The following PODXL variants were observed in gnomAD, a reference collection of about 807,000 sequenced individuals.
PODXL encodes the protein podocalyxin.
Under a neutral mutation model 48.9 loss-of-function variants are expected in PODXL, and 20 were observed. The observed-to-expected ratio is 0.41, with a 90% CI of 0.29 to 0.59. The LOEUF (loss-of-function observed/expected upper bound fraction) is 0.59, where lower values mean the gene tolerates loss of function less well. PODXL is among the 20% of genes least tolerant of loss of function. PODXL has a pLI of 0.31. For synonymous variants in PODXL, 295 were observed against 287.4 expected (o/e 1.03, Z -0.27); for missense variants, 606 against 675.1 (o/e 0.90, Z 1.13).
At chr7:131,508,280 A>T (rs1031305156) in intron 5 of PODXL, among the ~76,000 whole-genome samples, 4 of 151,874 alleles carry the variant, frequency 2.6e-5, no homozygotes, top group Non-Finnish European at 5.9e-5. Flanking sequence ...TTTCTCTCCC[A>T]CCCATCCCAT....
intron 6 of PODXL, 118 bp from the exon 7 acceptor site, chr7:131,506,439 G>T: frequency 7.0e-7 from 1 of 1,428,516 alleles, no homozygotes; most frequent in Non-Finnish European, 9.8e-7. Context: ...TCTCTCGGGT[G>T]ACCTGGGAGG....
rs746255906 is a variant in PODXL, at chr7:131,524,379, C to CACAG, written c.101-12947_101-12946insCTGT. On this transcript the variant is annotated intron_variant, in intron 1 of 8. Transcript: ENST00000378555. ...ACACACACGCACACACACACACACA[C>CACAG]AGAGAGAGAGAGAGAGAGAGAGAGA... is the stretch of plus-strand genomic sequence containing the variant. Among the ~76,000 whole-genome samples the CACAG allele has an allele frequency of 1.7e-3, 181 of 104,110 alleles. 1 individual carries two copies. The highest frequency in any genetic ancestry group is 4.6e-3 in the Middle Eastern group (1 of 218). 68.3% of individuals were successfully genotyped at this position (104,110 alleles called of 152,430 possible).
chr7:131,540,442 GA>G (rs1237093670), intron 1 of PODXL, among the ~76,000 whole-genome samples: 3 of 151,974 alleles, frequency 2.0e-5, no homozygotes, highest in Non-Finnish European at 4.4e-5. Flanking sequence ...CTGTCTCGGG[GA>G]TGAGTGTTCT....
rs1797680949 is a variant in PODXL at position 131,500,503 on chromosome 7, CTG to C, written c.*3806_*3807del. On this transcript the variant is annotated 3_prime_UTR_variant, in exon 9 of 9. Coordinates refer to ENST00000378555, the MANE Select transcript of PODXL (RefSeq NM_001018111.3). ...CAAAGAGTCATCTGTGTCCTCCATG[CTG>C]TGTTTGCAGCAGACCTGAGGGATCA... 6.6e-6 allele frequency: 1 copy of C among 152,598 alleles called. No individual in the cohort carries two copies. Among genetic ancestry groups the C allele is most frequent in the Non-Finnish European group, 1.5e-5 (1 of 68,040 alleles). 9.5% of individuals were successfully genotyped at this position (152,598 alleles called of 1,614,324 possible). A position where few individuals can be genotyped will look rare whatever the true frequency, so the allele number is the denominator to read the frequency against.
chr7:131,508,337 C>T (rs1797845411), intron 5 of PODXL, among the ~76,000 whole-genome samples: 1 of 152,208 alleles, frequency 6.6e-6, no homozygotes, highest in African/African-American at 2.4e-5. Context: ...GTTCGTCCAT[C>T]AAGGCTCTCA....
In PODXL at chr7:131,504,447, T is replaced by G. The variant is rs1339976788; in HGVS notation, c.1541A>C (p.Glu514Ala). ...ENGYHDNPTL[E>A]VMETSSEMQE... ...CATCTCAGAAGAGGTCTCCATCACT[T>G]CCAGTGTTGGGTTGTCATGGTAACC... The change falls in exon 9 of 9, where the codon GAA (glutamate) becomes GCA (alanine). Residue 514 changes from glutamate (E) to alanine (A), a missense_variant. Physicochemically the swap from Glu to Ala is moderately radical, Grantham distance 107. Transcript: ENST00000378555. The G allele has an allele frequency of 1.2e-6, 2 of 1,613,466 alleles. No homozygotes were observed. The highest frequency in any genetic ancestry group is 2.2e-5 in the East Asian group (1 of 44,894).
intron 1 of PODXL, among the ~76,000 whole-genome samples, chr7:131,537,528 G>A (rs746076321): frequency 1.3e-5 from 2 of 152,100 alleles, no homozygotes; most frequent in Non-Finnish European, 2.9e-5. Context: ...GGGAGGCAGA[G>A]GTTGCAGTGA....
intron 1 of PODXL, among the ~76,000 whole-genome samples, chr7:131,551,894 G>A (rs1056396606): frequency 3.5e-4 from 52 of 147,044 alleles, no homozygotes; most frequent in Non-Finnish European, 7.0e-4. Context: ...CTGAGATCAC[G>A]CCACTGCAGT....
In PODXL at chr7:131,505,994, C is replaced by G. The variant is rs112654233; in HGVS notation, c.1353G>C (p.Pro451=). Residue 451 remains proline, a synonymous_variant, in exon 8 of 9, where the codon CCG becomes CCC. Coordinates refer to ENST00000378555, the MANE Select transcript of PODXL (RefSeq NM_001018111.3). The part of the protein sequence containing the change: ...SDMKLGDQGP[P]EEAEDRFSMP... ...TGCTGAAGCGGTCCTCGGCCTCCTCCGGTGGCCCCTGGTCCCCTAGCTTCA... is the reference window on the plus strand; with the variant it reads ...TGCTGAAGCGGTCCTCGGCCTCCTCGGGTGGCCCCTGGTCCCCTAGCTTCA... 3.1e-6 allele frequency: 5 copies of G among 1,612,502 alleles called. No individual in the cohort carries two copies. In the South Asian group the frequency reaches 4.4e-5, roughly 14 times the overall value.
chr7:131,541,426 A>G (rs1015333121), intron 1 of PODXL, among the ~76,000 whole-genome samples: 6 of 151,992 alleles, frequency 3.9e-5, no homozygotes, highest in Non-Finnish European at 7.4e-5. Flanking sequence ...AGTGGCTCAC[A>G]CCTGTAATCC....
At chr7:131,538,743 C>T (rs1383494265) in intron 1 of PODXL, among the ~76,000 whole-genome samples, 2 of 152,180 alleles carry the variant, frequency 1.3e-5, no homozygotes, top group Non-Finnish European at 2.9e-5. Flanking sequence ...CTGCTCCCCA[C>T]TCCCGCTCCC....
intron 1 of PODXL, among the ~76,000 whole-genome samples, chr7:131,516,207 C>T (rs1360090694): frequency 6.6e-6 from 1 of 152,168 alleles, no homozygotes; most frequent in Non-Finnish European, 1.5e-5. Flanking sequence ...TTAAATAAAG[C>T]TGAGTTGTCA....
At chr7:131,524,377 CACAG>C (rs1204347337) in intron 1 of PODXL, among the ~76,000 whole-genome samples, 565 of 24,066 alleles carry the variant, frequency 0.023, 2 homozygotes, top group African/African-American at 0.066. Context: ...CACACACACA[CACAG>C]AGAGAGAGAG....
chr7:131,509,488 G>A lies in PODXL; in HGVS notation c.900C>T (p.Ser300=), dbSNP rs768019023. 4 of 1,613,694 alleles carry A rather than the reference G, an allele frequency of 2.5e-6. No individual in the cohort carries two copies. Among genetic ancestry groups the A allele is most frequent in the Non-Finnish European group, 3.4e-6 (4 of 1,179,820 alleles). Residue 300 remains serine, a synonymous_variant, in exon 4 of 9, where the codon AGC becomes AGT. Coordinates refer to ENST00000378555, the MANE Select transcript of PODXL (RefSeq NM_001018111.3). ...TAGGTGTTCTCAATGCCGTTGCCGG[G>A]CTCGTGGGCTGCACTGTCTCCTGGG... The part of the protein sequence containing the change: ...PSSQETVQPT[S]PATALRTPTL...
chr7:131,527,611 G>A (rs1183610530), intron 1 of PODXL, among the ~76,000 whole-genome samples: 1 of 152,170 alleles, frequency 6.6e-6, no homozygotes, highest in Non-Finnish European at 1.5e-5. Context: ...AGCCTGACTC[G>A]GGCAGACTGA....
At chr7:131,514,165 C>A (rs569996473) in intron 1 of PODXL, among the ~76,000 whole-genome samples, 1 of 152,196 alleles carries the variant, frequency 6.6e-6, no homozygotes, top group Non-Finnish European at 1.5e-5. Flanking sequence ...TGCCTGTAAT[C>A]CCAGCACTTT....
chr7:131,556,223 G>C, intron 1 of PODXL, 37 bp downstream of exon 1: 4 of 1,439,276 alleles, frequency 2.8e-6, no homozygotes, highest in Non-Finnish European at 2.7e-6. Flanking sequence ...ACATGGGCAC[G>C]GTGGGAGTCC....
intron 5 of PODXL, 30 bp from the exon 6 acceptor site, chr7:131,506,756 CG>C: frequency 1.9e-6 from 3 of 1,610,840 alleles, no homozygotes; most frequent in Non-Finnish European, 1.7e-6. Flanking sequence ...GGTGACTCCG[CG>C]GGGAGCGTGA....
intron 1 of PODXL, among the ~76,000 whole-genome samples, chr7:131,513,108 C>A (rs1211807389): frequency 6.6e-6 from 1 of 151,924 alleles, no homozygotes; most frequent in African/African-American, 2.4e-5. Flanking sequence ...AAAAAGAAGC[C>A]ACTGAAGGCA....
Sources: gnomAD v4.1 joint callset for allele counts (sites outside exome capture counted in the v4.1 genomes callset) on GRCh38, gnomAD v4.1.1 for gene constraint, MANE v1.5 for transcripts, NCBI Gene and HGNC (gene_info 2026-07-23, HGNC 2026-07-21) for gene names.